The following REST variants were observed in gnomAD, a reference collection of about 807,000 sequenced individuals.
REST encodes the protein RE1 silencing transcription factor.
A neutral mutation model predicts 30.4 loss-of-function variants in REST; 1 was observed. The ratio of observed to expected loss-of-function variants is 0.03; its 90% CI spans 0.01 to 0.16. The LOEUF is 0.16. Among genes scored for constraint, REST ranks in the 10% least tolerant of loss-of-function variants. The probability of loss-of-function intolerance (pLI) is 1.00; values close to 1 mark genes in which losing one functional copy is unlikely to be tolerated. For synonymous variants in REST, 504 were observed against 451.1 expected (o/e 1.12, Z -1.49); for missense variants, 1,259 against 1,329.5 (o/e 0.95, Z 0.82).
chr4:56,910,713 C>T lies in REST; in HGVS notation c.75C>T (p.Ala25=). ...LFTSSGNIGM[A]LPNDMYDLHD... Reference sequence around the variant, plus strand: ...CCAGCAGTGGCAACATTGGAATGGCCCTGCCTAACGACATGTATGACTTGC... The same window carrying T: ...CCAGCAGTGGCAACATTGGAATGGCTCTGCCTAACGACATGTATGACTTGC... Residue 25 remains alanine, a synonymous_variant, in exon 2 of 4, where the codon GCC becomes GCT. Transcript: ENST00000309042. The T allele has an allele frequency of 4.3e-6, 7 of 1,614,116 alleles. No individual in the cohort carries two copies. The highest frequency in any genetic ancestry group is 5.9e-6 in the Non-Finnish European group (7 of 1,180,036).
At chr4:56,929,326 C>A (rs1720859524) in intron 3 of REST, among the ~76,000 whole-genome samples, 1 of 152,098 alleles carries the variant, frequency 6.6e-6, no homozygotes, top group South Asian at 2.1e-4. Context: ...CCACCTTGGC[C>A]TCCCAAAGTT....
chr4:56,915,657 G>A (rs566110195), intron 2 of REST, among the ~76,000 whole-genome samples: 20 of 152,198 alleles, frequency 1.3e-4, no homozygotes, highest in African/African-American at 4.8e-4. Flanking sequence ...TGAAAATTAT[G>A]GAAAATAAAC....
rs148949163 is a variant in REST at position 56,911,551 on chromosome 4, C to T, written c.898+15C>T. The T allele has an allele frequency of 3.8e-5, 60 of 1,594,948 alleles. No individual in the cohort carries two copies. In the African/African-American group the frequency reaches 6.9e-4, roughly 18 times the overall value. ...AACTCATACAGGTAAGAGAAGCTTT[C>T]TAGTCCATAAGTTCAGTTCTCTTTT... On this transcript the variant is annotated intron_variant, in intron 2 of 3. Coordinates refer to ENST00000309042, the MANE Select transcript of REST (RefSeq NM_005612.5).
intron 2 of REST, among the ~76,000 whole-genome samples, chr4:56,916,014 T>G (rs1020922155): frequency 7.2e-5 from 11 of 152,102 alleles, no homozygotes; most frequent in African/African-American, 2.7e-4. Flanking sequence ...GGCAGGAGAA[T>G]CGCTTGAACC....
chr4:56,915,151 G>A (rs1720131117), intron 2 of REST, among the ~76,000 whole-genome samples: 1 of 150,622 alleles, frequency 6.6e-6, no homozygotes, highest in South Asian at 2.1e-4. Context: ...TCGAACTCCC[G>A]GCCTCAAGTG....
chr4:56,922,692 G>T (rs956606016), intron 3 of REST, among the ~76,000 whole-genome samples: 1 of 152,152 alleles, frequency 6.6e-6, no homozygotes, highest in Non-Finnish European at 1.5e-5. Flanking sequence ...CCATTTTACA[G>T]TTGGGGAATG....
Position 56,935,421 on chromosome 4 carries a change from A to C in REST, c.*3269A>C, listed in dbSNP as rs560347654. ...TTGTGTAGATTTACAATCTACATGC[A>C]ATATTAACTAAATCAGATAGCTTTT... On this transcript the variant is annotated 3_prime_UTR_variant, in exon 4 of 4. Coordinates refer to ENST00000309042, the MANE Select transcript of REST (RefSeq NM_005612.5). The C allele has an allele frequency of 6.6e-6, 1 of 152,336 alleles. No homozygotes were observed. Among genetic ancestry groups the C allele is most frequent in the Middle Eastern group, 3.4e-3 (1 of 294 alleles). The allele number at this position is 152,336 out of a possible 1,614,324, so 9.4% of individuals were successfully genotyped here. A position where few individuals can be genotyped will look rare whatever the true frequency, so the allele number is the denominator to read the frequency against.
intron 1 of REST, chr4:56,909,485 A>C (rs1719797035): frequency 6.6e-6 from 1 of 152,166 alleles, no homozygotes; most frequent in Admixed American, 6.5e-5. Flanking sequence ...GCAATTAGAA[A>C]AGTCGATGTT....
intron 2 of REST, among the ~76,000 whole-genome samples, chr4:56,915,240 A>ATT (rs1193678055): frequency 0.24 from 13,540 of 56,026 alleles, 2,335 homozygotes; most frequent in East Asian, 0.41. Context: ...GTGTGTGTGT[A>ATT]TTTTTTTTTT....
rs780987128 is a variant in REST at position 56,911,222 on chromosome 4, A to G, written c.584A>G (p.Gln195Arg). The change falls in exon 2 of 4, where the codon CAG becomes CGG. Residue 195 changes from glutamine (Q) to arginine (R), a missense_variant. This residue lies in a region of REST where 249 missense variants were observed against 251.5 expected (regional missense o/e 0.99). Coordinates refer to ENST00000309042, the MANE Select transcript of REST (RefSeq NM_005612.5). ...KFFVEESAEKQAKARESGSST... is the reference protein window; with the variant it reads ...KFFVEESAEKRAKARESGSST... Reference sequence around the variant, plus strand: ...TTTGTGGAAGAGAGTGCAGAGAAGCAGGCAAAAGCCAGGGAATCTGGCTCT... The same window carrying G: ...TTTGTGGAAGAGAGTGCAGAGAAGCGGGCAAAAGCCAGGGAATCTGGCTCT... 1.9e-6 allele frequency: 3 copies of G among 1,614,214 alleles called. No homozygotes were observed. Among genetic ancestry groups the G allele is most frequent in the South Asian group, 2.2e-5 (2 of 91,086 alleles).
intron 2 of REST, among the ~76,000 whole-genome samples, chr4:56,913,628 G>A (rs1245890256): frequency 6.6e-6 from 1 of 152,118 alleles, no homozygotes; most frequent in Non-Finnish European, 1.5e-5. Context: ...GCTGCTTTAA[G>A]TGGAGTGGTA....
chr4:56,928,672 G>A (rs968953194), intron 3 of REST, among the ~76,000 whole-genome samples: 3 of 151,408 alleles, frequency 2.0e-5, no homozygotes, highest in African/African-American at 4.9e-5. Flanking sequence ...TGCAACCTCC[G>A]CCTCCTGAGT....
intron 1 of REST, among the ~76,000 whole-genome samples, chr4:56,910,087 G>A (rs1008927914): frequency 1.3e-5 from 2 of 152,146 alleles, no homozygotes; most frequent in Admixed American, 6.6e-5. Context: ...TTCTTTTGGA[G>A]TTAGTTGAGT....
intron 3 of REST, among the ~76,000 whole-genome samples, chr4:56,921,179 A>AT (rs1196363057): frequency 1.3e-5 from 2 of 152,056 alleles, no homozygotes; most frequent in African/African-American, 4.8e-5. Context: ...ACCACTTCTA[A>AT]TTAGAATACA....
At chr4:56,925,743 T>A (rs1720673856) in intron 3 of REST, among the ~76,000 whole-genome samples, 1 of 152,174 alleles carries the variant, frequency 6.6e-6, no homozygotes, top group Non-Finnish European at 1.5e-5. Flanking sequence ...GATGAATATA[T>A]TTTAATATAA....
intron 2 of REST, among the ~76,000 whole-genome samples, chr4:56,914,858 T>A (rs1720104000): frequency 6.6e-6 from 1 of 151,786 alleles, no homozygotes; most frequent in Non-Finnish European, 1.5e-5. Context: ...CTGGCCTGGT[T>A]TATTTGGTCT....
At position 56,930,484 on chromosome 4, in the gene REST, AAAG is replaced by A; in HGVS notation, c.1629_1631del (p.Lys546del). On this transcript the variant is annotated inframe_deletion, in exon 4 of 4. Transcript: ENST00000309042. ...TGAATGATGAGGAATCTTCAACAAA[AAAG>A]AAAAAGAAGGTAGAAAGCAAATCCA... 2 of 1,612,346 alleles carry A rather than the reference AAAG, an allele frequency of 1.2e-6. No homozygotes were observed. The highest frequency in any genetic ancestry group is 8.5e-7 in the Non-Finnish European group (1 of 1,179,666).
chr4:56,915,142 C>T (rs1433385657), intron 2 of REST, among the ~76,000 whole-genome samples: 3 of 150,898 alleles, frequency 2.0e-5, no homozygotes, highest in South Asian at 2.1e-4. Flanking sequence ...AGGCTGGTCT[C>T]GAACTCCCGG....
chr4:56,911,112 C>T lies in REST; in HGVS notation c.474C>T (p.Pro158=). ...AAGGCAAGAGCTCGAAGACCAAACCCTTTCGCTGTAAGCCATGCCAATATG... is the reference window on the plus strand; with the variant it reads ...AAGGCAAGAGCTCGAAGACCAAACCTTTTCGCTGTAAGCCATGCCAATATG... ...EDKGKSSKTK[P]FRCKPCQYEA... Residue 158 remains proline, a synonymous_variant, in exon 2 of 4, where the codon CCC becomes CCT. Transcript: ENST00000309042. 10 of 1,614,202 alleles carry T rather than the reference C, an allele frequency of 6.2e-6. No homozygotes were observed. The highest frequency in any genetic ancestry group is 3.3e-5 in the South Asian group (3 of 91,082).
Sources: allele counts gnomAD v4.1 joint callset (sites outside exome capture counted in the v4.1 genomes callset), GRCh38; gene constraint gnomAD v4.1.1; regional missense constraint gnomAD v4.1.1; transcripts MANE v1.5; gene names NCBI Gene and HGNC (gene_info 2026-07-23, HGNC 2026-07-21).